TRIM46: variants seen among roughly 807,000 people sequenced by gnomAD.
The protein encoded by TRIM46 is tripartite motif containing 46.
A neutral mutation model predicts 69.7 loss-of-function variants in TRIM46; 17 were observed. The ratio of observed to expected loss-of-function variants is 0.24; its 90% CI spans 0.17 to 0.37. TRIM46 has a LOEUF of 0.37. TRIM46 is among the 10% of genes least tolerant of loss of function. The probability of loss-of-function intolerance (pLI) is 1.00; values close to 1 mark genes in which losing one functional copy is unlikely to be tolerated. For missense variants in TRIM46, 675 were observed against 1,025.1 expected, an observed-to-expected ratio of 0.66 and a Z score of 4.66; for synonymous variants, 391 against 429.0, an observed-to-expected ratio of 0.91 and a Z score of 1.09.
chr1:155,180,171 A>T (rs1204368457), intron 8 of TRIM46, among the ~76,000 whole-genome samples: 2 of 152,208 alleles, frequency 1.3e-5, no homozygotes, highest in Non-Finnish European at 2.9e-5. Flanking sequence ...TTCTGTAGGG[A>T]TAACGATAAT....
intron 7 of TRIM46, 126 bp downstream of exon 7, chr1:155,178,739 T>TGGGCCCCCCCCCCCCCCCCCCC: frequency 7.4e-7 from 1 of 1,348,472 alleles, no homozygotes; most frequent in Non-Finnish European, 1.0e-6. Context: ...CAGCCATTCC[T>TGGGCCCCCCCCCCCCCCCCCCC]CCCACCCAGC....
chr1:155,174,619 T>A, intron 1 of TRIM46: 1 of 1,528,738 alleles, frequency 6.5e-7, no homozygotes, highest in South Asian at 1.2e-5. Flanking sequence ...CTGACCGGGA[T>A]GGCTGCGAAG....
chr1:155,175,833 C>T lies in TRIM46; in HGVS notation c.326-55C>T, dbSNP rs745888078. ...ATCTAATTTAATTAAACAGGCTTCC[C>T]CACACCCAGCCAGCTGTAACTCTCA... On this transcript the variant is annotated intron_variant, in intron 2 of 9. Coordinates refer to ENST00000334634, the MANE Select transcript of TRIM46 (RefSeq NM_025058.5). This position sits in a 1 kb window ranked among gnomAD's most constrained non-coding sequence, Gnocchi z 4.2. 1 of 1,580,864 alleles carries T rather than the reference C, an allele frequency of 6.3e-7. No individual in the cohort carries two copies. Among genetic ancestry groups the T allele is most frequent in the East Asian group, 2.2e-5 (1 of 44,648 alleles).
Position 155,184,519 on chromosome 1 carries a change from T to G in TRIM46, c.*329T>G. The G allele has an allele frequency of 3.8e-6, 1 of 261,898 alleles. No individual in the cohort carries two copies. The highest frequency in any genetic ancestry group is 2.2e-5 in the African/African-American group (1 of 44,538). 16.2% of individuals were successfully genotyped at this position (261,898 alleles called of 1,614,324 possible). A position where few individuals can be genotyped will look rare whatever the true frequency, so the allele number is the denominator to read the frequency against. On this transcript the variant is annotated 3_prime_UTR_variant, in exon 10 of 10. Coordinates refer to ENST00000334634, the MANE Select transcript of TRIM46 (RefSeq NM_025058.5). The surrounding 1 kb of genome is among the most constrained non-coding windows in gnomAD (Gnocchi z 5.6). ...CCCTGTCCTGTGCCCCCCAGGCTGA[T>G]TGGGAGGGAGGGCACCTGGAACACT...
chr1:155,174,106 G>A, intron 1 of TRIM46, 77 bp downstream of exon 1: 1 of 1,475,082 alleles, frequency 6.8e-7, no homozygotes, highest in African/African-American at 1.4e-5. Context: ...GAACAGGTGG[G>A]GATCCAGGAA....
intron 7 of TRIM46, among the ~76,000 whole-genome samples, chr1:155,179,095 T>C (rs1665939051): frequency 6.6e-6 from 1 of 152,224 alleles, no homozygotes. Flanking sequence ...TTCCTTTCCC[T>C]TGACCTCCAA....
At chr1:155,176,789 C>T (rs1405891420) in intron 3 of TRIM46, 143 bp from the exon 4 acceptor site, 1 of 1,031,428 alleles carries the variant, frequency 9.7e-7, no homozygotes, top group Non-Finnish European at 1.4e-6. Context: ...GTATGTACCA[C>T]CAGGTGGCAC....
At chr1:155,179,021 C>T (rs1358569902) in intron 7 of TRIM46, among the ~76,000 whole-genome samples, 3 of 152,332 alleles carry the variant, frequency 2.0e-5, no homozygotes, top group South Asian at 2.1e-4. Flanking sequence ...CTTCTTCAGG[C>T]GCTTGCGTAA....
Position 155,174,551 on chromosome 1 carries a change from C to T in TRIM46, c.63+522C>T, listed in dbSNP as rs1230597028. The T allele has an allele frequency of 1.1e-5, 16 of 1,445,318 alleles. No homozygotes were observed. The East Asian group carries it at 2.0e-4, about 18-fold the overall frequency. 89.5% of individuals were successfully genotyped at this position (1,445,318 alleles called of 1,614,324 possible). On this transcript the variant is annotated intron_variant, in intron 1 of 9. Coordinates refer to ENST00000334634, the MANE Select transcript of TRIM46 (RefSeq NM_025058.5). Reference sequence around the variant, plus strand: ...CCCAGGGGCGGTGCCAACCGTGTTCCCCCCCACCACTTCCTCCCCCCCTCC... The same window carrying T: ...CCCAGGGGCGGTGCCAACCGTGTTCTCCCCCACCACTTCCTCCCCCCCTCC...
intron 5 of TRIM46, among the ~76,000 whole-genome samples, 185 bp downstream of exon 5, chr1:155,177,475 GAGGGGGC>G (rs1330292052): frequency 6.6e-6 from 1 of 152,194 alleles, no homozygotes; most frequent in Non-Finnish European, 1.5e-5. Context: ...TGGGCTGCAG[GAGGGGGC>G]AGGGTGGCTA....
intron 3 of TRIM46, 63 bp downstream of exon 3, chr1:155,176,294 C>CGCA: frequency 6.8e-7 from 1 of 1,473,418 alleles, no homozygotes; most frequent in South Asian, 1.3e-5. Flanking sequence ...GGTGGGGGTG[C>CGCA]CTGGCATTGT....
chr1:155,177,239 C>G lies in TRIM46; in HGVS notation c.858C>G (p.Asp286Glu). The G allele has an allele frequency of 6.2e-7, 1 of 1,614,186 alleles. No homozygotes were observed. Among genetic ancestry groups the G allele is most frequent in the Non-Finnish European group, 8.5e-7 (1 of 1,180,024 alleles). ...KSLTYILGNQDTVQTQICELE... is the reference protein window; with the variant it reads ...KSLTYILGNQETVQTQICELE... ...TGACATACATCCTGGGAAACCAGGA[C>G]ACGGTACAGACCCAGATCTGTGAGC... Residue 286 changes from aspartate (D) to glutamate (E), a missense_variant, in exon 5 of 10, where the codon GAC becomes GAG. Transcript: ENST00000334634.
chr1:155,178,457 T>G (rs1247820800), intron 6 of TRIM46, 35 bp from the exon 7 acceptor site: 1 of 1,612,412 alleles, frequency 6.2e-7, no homozygotes, highest in Non-Finnish European at 8.5e-7. Context: ...ACTGCCCACA[T>G]GGCAGTGCCT....
intron 3 of TRIM46, 112 bp downstream of exon 3, chr1:155,176,343 A>G: frequency 1.0e-6 from 1 of 975,798 alleles, no homozygotes. Flanking sequence ...TTCCAATGCT[A>G]AGCACCTATC....
chr1:155,176,834 T>C, intron 3 of TRIM46, 98 bp from the exon 4 acceptor site: 1 of 1,460,560 alleles, frequency 6.8e-7, no homozygotes, highest in Non-Finnish European at 9.4e-7. Context: ...TCCACTCCCA[T>C]CTTGCCAGTG....
Position 155,179,514 on chromosome 1 carries a change from CCT to C in TRIM46, c.1286-114_1286-113del. ...TCCCAGATGAGCCCTTCCCCAGCTC[CCT>C]CTCACCCACACTCACCCCCCCGGCT... is the stretch of plus-strand genomic sequence containing the variant. On this transcript the variant is annotated intron_variant, in intron 7 of 9. Coordinates refer to ENST00000334634, the MANE Select transcript of TRIM46 (RefSeq NM_025058.5). The C allele has an allele frequency of 4.5e-6, 4 of 882,374 alleles. No individual in the cohort carries two copies. The South Asian group carries it at 6.8e-5, about 15-fold the overall frequency. 54.7% of individuals were successfully genotyped at this position (882,374 alleles called of 1,614,324 possible). A position where few individuals can be genotyped will look rare whatever the true frequency, so the allele number is the denominator to read the frequency against.
chr1:155,174,519 TG>T, intron 1 of TRIM46: 1 of 1,443,918 alleles, frequency 6.9e-7, no homozygotes, highest in Non-Finnish European at 9.1e-7. Flanking sequence ...AACCCGTGCC[TG>T]GCTCTCCCAG....
chr1:155,180,368 G>A (rs1016398107), intron 8 of TRIM46: 26 of 329,626 alleles, frequency 7.9e-5, no homozygotes, highest in Non-Finnish European at 1.3e-4. Flanking sequence ...AGGCCGAGGC[G>A]GGCGGATCAC....
rs979849596 is a variant in TRIM46, at chr1:155,184,910, G to A, written c.*720G>A. 4 of 152,708 alleles carry A rather than the reference G, an allele frequency of 2.6e-5. No homozygotes were observed. The highest frequency in any genetic ancestry group is 9.6e-5 in the African/African-American group (4 of 41,460). The allele number at this position is 152,708 out of a possible 1,614,324, so 9.5% of individuals were successfully genotyped here. A position where few individuals can be genotyped will look rare whatever the true frequency, so the allele number is the denominator to read the frequency against. ...GCTAGGCCTGTGCTGAGCAACAGCT[G>A]TTATTGTCATGGTTTATAAACAATA... On this transcript the variant is annotated 3_prime_UTR_variant, in exon 10 of 10. Transcript: ENST00000334634. This position sits in a 1 kb window ranked among gnomAD's most constrained non-coding sequence, Gnocchi z 5.6.
Sources: gnomAD v4.1 joint callset for allele counts (sites outside exome capture counted in the v4.1 genomes callset) on GRCh38, gnomAD v4.1.1 for gene constraint, Gnocchi (gnomAD v3.1) non-coding constraint, MANE v1.5 for transcripts, NCBI Gene and HGNC (gene_info 2026-07-23, HGNC 2026-07-21) for gene names.